Variants in APP observed in about 807,000 individuals in gnomAD.
The protein encoded by APP is amyloid-beta precursor protein.
In APP, 31 loss-of-function variants were observed where a neutral mutation model predicts 101.4. The ratio of observed to expected loss-of-function variants is 0.31; its 90% CI spans 0.23 to 0.41. The LOEUF is 0.41. Ranked by LOEUF, APP falls within the 10% of genes least tolerant of loss-of-function variation. The probability of loss-of-function intolerance (pLI) is 1.00; values close to 1 mark genes in which losing one functional copy is unlikely to be tolerated. For missense variants in APP, 839 were observed against 1,003.7 expected (o/e 0.84, Z 2.22); for synonymous variants, 366 against 364.4 (o/e 1.00, Z -0.05).
At chr21:25,956,772 C>T (rs1298021463) in intron 11 of APP, among the ~76,000 whole-genome samples, 1 of 152,102 alleles carries the variant, frequency 6.6e-6, no homozygotes, top group Admixed American at 6.6e-5. Flanking sequence ...TATCCATATC[C>T]TATGGGATGT....
intron 13 of APP, 54 bp downstream of exon 13, chr21:25,954,536 C>T: frequency 1.4e-6 from 2 of 1,476,926 alleles, no homozygotes; most frequent in South Asian, 2.3e-5. Flanking sequence ...CCTCAATTTT[C>T]CTCTGGGGGA....
chr21:25,901,087 C>G (rs955904301), intron 15 of APP, among the ~76,000 whole-genome samples: 2 of 151,792 alleles, frequency 1.3e-5, no homozygotes, highest in Admixed American at 6.6e-5. Flanking sequence ...AGTTTGAACT[C>G]AGGAGTTCGA....
intron 1 of APP, among the ~76,000 whole-genome samples, chr21:26,138,173 C>T (rs530963348): frequency 6.6e-6 from 1 of 152,080 alleles, no homozygotes; most frequent in African/African-American, 2.4e-5. Flanking sequence ...TGATATGATA[C>T]CTGAGAATTA....
At chr21:26,114,990 C>T (rs1294909106) in intron 1 of APP, among the ~76,000 whole-genome samples, 2 of 152,012 alleles carry the variant, frequency 1.3e-5, no homozygotes, top group Non-Finnish European at 2.9e-5. Flanking sequence ...TTGATTACGG[C>T]GCTATAACTG....
chr21:26,029,879 T>C (rs1437184138), intron 5 of APP, among the ~76,000 whole-genome samples: 1 of 152,098 alleles, frequency 6.6e-6, no homozygotes, highest in African/African-American at 2.4e-5. Flanking sequence ...AAAATGACCA[T>C]TTAAAGTCAA....
intron 6 of APP, among the ~76,000 whole-genome samples, chr21:26,005,826 T>G (rs1435978441): frequency 1.3e-5 from 2 of 152,194 alleles, no homozygotes; most frequent in Non-Finnish European, 2.9e-5. Context: ...CAGTGGAAAT[T>G]TATAAATCAG....
At chr21:26,049,835 T>C (rs1601324810) in intron 5 of APP, among the ~76,000 whole-genome samples, 1 of 152,246 alleles carries the variant, frequency 6.6e-6, no homozygotes, top group African/African-American at 2.4e-5. Flanking sequence ...GGGAAGATCA[T>C]GATCAGAGAG....
chr21:26,158,837 T>C (rs867646935), intron 1 of APP, among the ~76,000 whole-genome samples: 49 of 152,304 alleles, frequency 3.2e-4, no homozygotes, highest in African/African-American at 9.6e-4. Flanking sequence ...CTGCCTTCTC[T>C]GGGAAGAGTT....
chr21:25,913,708 G>T (rs2146326351), intron 13 of APP, among the ~76,000 whole-genome samples: 1 of 152,260 alleles, frequency 6.6e-6, no homozygotes, highest in South Asian at 2.1e-4. Flanking sequence ...CACTTACCAT[G>T]TCCTTTATTT....
chr21:25,893,392 G>C (rs1342518806), intron 16 of APP, among the ~76,000 whole-genome samples: 1 of 152,226 alleles, frequency 6.6e-6, no homozygotes, highest in Non-Finnish European at 1.5e-5. Flanking sequence ...ATTAAGCTTA[G>C]TGGGCAAGGC....
At chr21:26,015,293 G>A (rs576959683) in intron 6 of APP, among the ~76,000 whole-genome samples, 2 of 152,186 alleles carry the variant, frequency 1.3e-5, no homozygotes, top group Admixed American at 1.3e-4. Context: ...GAGCAACTAA[G>A]GTTAATTGAG....
In APP at chr21:26,056,938, C is replaced by T. The variant is rs536378218; in HGVS notation, c.356-3590G>A. On this transcript the variant is annotated intron_variant, in intron 3 of 17. Transcript: ENST00000346798. ...AACCACAAAAATCTGTTTTTAAAAA[C>T]TTTTAATAAGCGTTAAGAGTGCTAA... is the stretch of plus-strand genomic sequence containing the variant. Among the ~76,000 whole-genome samples, 133 of 152,296 alleles carry T rather than the reference C, an allele frequency of 8.7e-4. No individual in the cohort carries two copies. In the Middle Eastern group the frequency reaches 0.017, roughly 19 times the overall value.
chr21:25,947,722 G>A (rs1005311843), intron 13 of APP, among the ~76,000 whole-genome samples: 6 of 152,120 alleles, frequency 3.9e-5, no homozygotes, highest in African/African-American at 7.2e-5. Context: ...AATGTTCTTG[G>A]CCAGATGTGG....
intron 5 of APP, among the ~76,000 whole-genome samples, chr21:26,029,022 A>G (rs149109541): frequency 2.0e-3 from 306 of 152,268 alleles, no homozygotes; most frequent in African/African-American, 7.0e-3. Context: ...GAGTGCATGG[A>G]TGGCTGAGGC....
chr21:25,943,663 G>A (rs2040679054), intron 13 of APP, among the ~76,000 whole-genome samples: 1 of 146,468 alleles, frequency 6.8e-6, no homozygotes, highest in Non-Finnish European at 1.5e-5. Context: ...TGGCCAGGCT[G>A]GTCTCGAACT....
chr21:26,138,511 G>A (rs944340375), intron 1 of APP, among the ~76,000 whole-genome samples: 8 of 110,722 alleles, frequency 7.2e-5, no homozygotes, highest in East Asian at 2.5e-4. Flanking sequence ...CCAACACAGC[G>A]AAACTCTGTC....
At chr21:26,115,376 G>T (rs185183559) in intron 1 of APP, among the ~76,000 whole-genome samples, 12 of 152,286 alleles carry the variant, frequency 7.9e-5, no homozygotes, top group Admixed American at 3.3e-4. Context: ...CAATTAGCTT[G>T]GAGATACAAA....
chr21:25,964,669 G>C (rs145001675), intron 11 of APP, among the ~76,000 whole-genome samples: 2 of 150,464 alleles, frequency 1.3e-5, no homozygotes, highest in African/African-American at 4.9e-5. Context: ...GAGTACAATG[G>C]GGTGATCTCC....
chr21:26,022,741 A>G lies in APP; in HGVS notation c.663-699T>C, dbSNP rs996750265. On this transcript the variant is annotated intron_variant, in intron 5 of 17. Transcript: ENST00000346798. ...GGGAATTACTTCTCATAGTGCACAT[A>G]CAAGAGCCGCAACGCATTGCACGGT... Among the ~76,000 whole-genome samples, 6 of 152,350 alleles carry G rather than the reference A, an allele frequency of 3.9e-5. No individual in the cohort carries two copies. The South Asian group carries it at 6.2e-4, about 16-fold the overall frequency.
Sources: gnomAD v4.1 joint callset for allele counts (sites outside exome capture counted in the v4.1 genomes callset) on GRCh38, gnomAD v4.1.1 for gene constraint, MANE v1.5 for transcripts, NCBI Gene and HGNC (gene_info 2026-07-23, HGNC 2026-07-21) for gene names.